TCERG1L: variants seen among roughly 807,000 people sequenced by gnomAD.
TCERG1L encodes transcription elongation regulator 1 like.
In TCERG1L, 37 loss-of-function variants were observed where a neutral mutation model predicts 56.3. That is an observed-to-expected ratio of 0.66 (90% CI 0.51 to 0.87). The LOEUF is 0.87. TCERG1L is among the 40% of genes least tolerant of loss of function. The pLI, the probability that TCERG1L is intolerant of heterozygous loss-of-function variation, is 0.00. For missense variants in TCERG1L, 799 were observed against 774.2 expected (o/e 1.03, Z -0.38); for synonymous variants, 324 against 326.3 (o/e 0.99, Z 0.08).
chr10:131,180,339 C>A (rs1482476811), intron 4 of TCERG1L, among the ~76,000 whole-genome samples: 1 of 152,234 alleles, frequency 6.6e-6, no homozygotes, highest in East Asian at 1.9e-4. Flanking sequence ...AGACGGCTGC[C>A]ACTGGGCATT....
chr10:131,295,407 G>C (rs1269163746), intron 3 of TCERG1L, among the ~76,000 whole-genome samples: 1 of 152,180 alleles, frequency 6.6e-6, no homozygotes. Context: ...ATTCCCACCA[G>C]CAAGTTATGA....
At chr10:131,280,828 C>T (rs1846443966) in intron 3 of TCERG1L, among the ~76,000 whole-genome samples, 1 of 152,124 alleles carries the variant, frequency 6.6e-6, no homozygotes, top group Non-Finnish European at 1.5e-5. Context: ...TCTGAGCCTG[C>T]ACCAGCATCC....
intron 3 of TCERG1L, among the ~76,000 whole-genome samples, chr10:131,284,530 A>G (rs1450893555): frequency 1.3e-5 from 2 of 152,116 alleles, no homozygotes; most frequent in Non-Finnish European, 2.9e-5. Flanking sequence ...AAGAAAATGG[A>G]AGAAAATTGA....
rs1589773940 is a variant in TCERG1L, at chr10:131,289,615, C to A, written c.670+18596G>T. Among the ~76,000 whole-genome samples, 2 of 52,954 alleles carry A rather than the reference C, an allele frequency of 3.8e-5. 1 individual carries two copies. Among genetic ancestry groups the A allele is most frequent in the Non-Finnish European group, 9.8e-5 (2 of 20,512 alleles). 34.7% of individuals were successfully genotyped at this position (52,954 alleles called of 152,430 possible). On this transcript the variant is annotated intron_variant, in intron 3 of 11. Coordinates refer to ENST00000368642, the MANE Select transcript of TCERG1L (RefSeq NM_174937.4). The stretch of plus-strand genomic sequence containing the variant: ...TCAATGTGAGTGTATGTGTGCACCG[C>A]TGTGTGTGAGGTGTGCACTGCCTCC...
chr10:131,249,220 T>C (rs1169315357), intron 4 of TCERG1L, among the ~76,000 whole-genome samples: 1 of 152,242 alleles, frequency 6.6e-6, no homozygotes, highest in African/African-American at 2.4e-5. Context: ...CTACAGTCCA[T>C]TGTCTTAAGC....
intron 9 of TCERG1L, among the ~76,000 whole-genome samples, chr10:131,110,800 A>G (rs1048928681): frequency 1.0e-5 from 1 of 98,642 alleles, no homozygotes; most frequent in African/African-American, 2.9e-5. Context: ...AGGGGGTTCA[A>G]TTCAAGTAAA....
intron 4 of TCERG1L, among the ~76,000 whole-genome samples, chr10:131,184,552 C>T (rs534318525): frequency 3.5e-4 from 53 of 152,332 alleles, no homozygotes; most frequent in Admixed American, 1.2e-3. Context: ...TACCAGTCAG[C>T]GAGGGATCCC....
chr10:131,256,038 A>T (rs1846161853), intron 4 of TCERG1L, among the ~76,000 whole-genome samples: 1 of 152,232 alleles, frequency 6.6e-6, no homozygotes, highest in South Asian at 2.1e-4. Context: ...TTTCCCGCAC[A>T]CGCCAGATGA....
chr10:131,290,402 C>T (rs530448466), intron 3 of TCERG1L, among the ~76,000 whole-genome samples: 20 of 152,214 alleles, frequency 1.3e-4, no homozygotes, highest in South Asian at 6.2e-4. Context: ...GAGGCTGAGG[C>T]GGGCAGATCA....
At chr10:131,214,698 C>T (rs1201507252) in intron 4 of TCERG1L, among the ~76,000 whole-genome samples, 1 of 152,148 alleles carries the variant, frequency 6.6e-6, no homozygotes, top group African/African-American at 2.4e-5. Context: ...CGGAGGGGTG[C>T]CGAAGGAAGT....
intron 4 of TCERG1L, among the ~76,000 whole-genome samples, chr10:131,257,063 A>G (rs904404848): frequency 5.9e-5 from 9 of 151,304 alleles, no homozygotes; most frequent in Admixed American, 5.9e-4. Flanking sequence ...GAAAAGAAAG[A>G]AAGAAAAAAA....
In TCERG1L at chr10:131,260,285, AT is replaced by A; in HGVS notation, c.829del (p.Ile277TyrfsTer24). 7.1e-7 allele frequency: 1 copy of A among 1,408,256 alleles called. No individual in the cohort carries two copies. The highest frequency in any genetic ancestry group is 9.3e-7 in the Non-Finnish European group (1 of 1,077,922). 87.2% of individuals were successfully genotyped at this position (1,408,256 alleles called of 1,614,324 possible). ...TGAGACGGGGGACGTCCGGAGGGGT[AT>A]TTTGATGGGTGCCAAGGTCAGGAAG... is the stretch of plus-strand genomic sequence containing the variant. ...RHFLTLAPIK[I>X]PLRTSPVSDT... On this transcript the variant is annotated frameshift_variant, in exon 4 of 12. Transcript: ENST00000368642. LOFTEE classifies it high-confidence loss of function. This position sits in a 1 kb window ranked among gnomAD's most constrained non-coding sequence, Gnocchi z 5.8.
intron 8 of TCERG1L, among the ~76,000 whole-genome samples, chr10:131,117,789 T>G (rs1845474348): frequency 6.6e-6 from 1 of 152,256 alleles, no homozygotes; most frequent in African/African-American, 2.4e-5. Flanking sequence ...CCTTGCATTA[T>G]TTTAACTGCA....
chr10:131,301,273 T>A (rs1320152337), intron 3 of TCERG1L, among the ~76,000 whole-genome samples: 1 of 152,052 alleles, frequency 6.6e-6, no homozygotes, highest in Non-Finnish European at 1.5e-5. Context: ...AAAGGCTTTA[T>A]ACTCTCAAGA....
At chr10:131,264,294 G>C (rs1171767636) in intron 3 of TCERG1L, among the ~76,000 whole-genome samples, 3 of 152,204 alleles carry the variant, frequency 2.0e-5, no homozygotes, top group Admixed American at 1.3e-4. Flanking sequence ...CAGAGCACAG[G>C]TGCAGCAGTG....
At chr10:131,209,705 A>G (rs1845595383) in intron 4 of TCERG1L, among the ~76,000 whole-genome samples, 2 of 152,232 alleles carry the variant, frequency 1.3e-5, no homozygotes, top group African/African-American at 4.8e-5. Flanking sequence ...CAAACACAGT[A>G]TCATAGTAGG....
Position 131,116,920 on chromosome 10 carries a change from C to G in TCERG1L, c.1274G>C (p.Gly425Ala), listed in dbSNP as rs779585128. Reference sequence around the variant, plus strand: ...CTTTGCCTCCTCTGGCTTGGGACTCCCGCAGCCTTCGGTCCTTCAGGAACA... The same window carrying G: ...CTTTGCCTCCTCTGGCTTGGGACTCGCGCAGCCTTCGGTCCTTCAGGAACA... ...KTKRNRTEGC[G>A]SPKPEEAKRE... Residue 425 changes from glycine (G) to alanine (A), a missense_variant, in exon 9 of 12, where the codon GGG becomes GCG. Gly to Ala is a moderately conservative substitution (Grantham distance 60). Coordinates refer to ENST00000368642, the MANE Select transcript of TCERG1L (RefSeq NM_174937.4). The G allele has an allele frequency of 7.0e-5, 112 of 1,608,058 alleles. No homozygotes were observed. Among genetic ancestry groups the G allele is most frequent in the Non-Finnish European group, 9.2e-5 (108 of 1,177,796 alleles).
At chr10:131,201,556 A>C (rs2944478) in intron 4 of TCERG1L, among the ~76,000 whole-genome samples, 81,947 of 152,074 alleles carry the variant, frequency 0.54, 23,054 homozygotes, top group South Asian at 0.76. Flanking sequence ...AAACGCCACA[A>C]TCTTAGAAGC....
At chr10:131,265,009 G>C (rs930493342) in intron 3 of TCERG1L, among the ~76,000 whole-genome samples, 1 of 152,140 alleles carries the variant, frequency 6.6e-6, no homozygotes, top group Non-Finnish European at 1.5e-5. Context: ...TGTCCCAGCC[G>C]AGCCCTTAAT....
Sources: allele counts gnomAD v4.1 joint callset (sites outside exome capture counted in the v4.1 genomes callset), GRCh38; gene constraint gnomAD v4.1.1; non-coding constraint Gnocchi (gnomAD v3.1); transcripts MANE v1.5; gene names NCBI Gene and HGNC (gene_info 2026-07-23, HGNC 2026-07-21).